ANKRD30BL: variants seen among roughly 807,000 people sequenced by gnomAD.
The protein encoded by ANKRD30BL is ankyrin repeat domain 30B like.
ANKRD30BL carries 20 observed loss-of-function variants against 18.4 expected under a neutral mutation model. The ratio of observed to expected loss-of-function variants is 1.09; its 90% CI spans 0.77 to 1.58. The LOEUF (loss-of-function observed/expected upper bound fraction) is 1.58. ANKRD30BL is among the 40% of genes most tolerant of loss of function. The pLI is 0.00. For synonymous variants in ANKRD30BL, 72 were observed against 100.9 expected (o/e 0.71, Z 1.72); for missense variants, 224 against 268.6 (o/e 0.83, Z 1.16).
intron 1 of ANKRD30BL, among the ~76,000 whole-genome samples, chr2:132,221,968 C>A (rs777246673): frequency 3.0e-5 from 4 of 131,906 alleles, no homozygotes; most frequent in Non-Finnish European, 6.4e-5. Flanking sequence ...AGGTGAGGGG[C>A]GCCTCTGCCT....
chr2:132,218,293 C>A (rs113621639), intron 1 of ANKRD30BL, among the ~76,000 whole-genome samples: 1 of 152,206 alleles, frequency 6.6e-6, no homozygotes, highest in Non-Finnish European at 1.5e-5. Flanking sequence ...AATATCTTCA[C>A]ATAAACACTA....
chr2:132,257,131 G>T (rs1440919506), intron 1 of ANKRD30BL: 4 of 464,706 alleles, frequency 8.6e-6, no homozygotes, highest in Non-Finnish European at 1.7e-5. Flanking sequence ...ACCCCGAGGT[G>T]ACCTCAGCCA....
Position 132,154,759 on chromosome 2 carries a change from T to C in ANKRD30BL, c.517A>G (p.Thr173Ala). Residue 173 changes from threonine to alanine, a missense_variant, in exon 4 of 6, where the codon ACA (threonine) becomes GCA (alanine). Thr to Ala is a moderately conservative substitution (Grantham distance 58). Around this residue, in one of 3 missense-constraint regions of ANKRD30BL, gnomAD observed 63 missense variants for 62.3 expected, o/e 1.01. Transcript: ENST00000409867. ...DIEVKNKAGH[T>A]PLLLAIRKRS... ...TTCCTTATGGCCAGTAAAAGTGGTG[T>C]GTGGCCAGCCTGTAAAACAGCAAAA... The C allele has an allele frequency of 1.4e-6, 1 of 711,766 alleles. No individual in the cohort carries two copies. 44.1% of individuals were successfully genotyped at this position (711,766 alleles called of 1,614,324 possible).
At chr2:132,252,033 A>G (rs906535518) in intron 1 of ANKRD30BL, among the ~76,000 whole-genome samples, 2 of 152,244 alleles carry the variant, frequency 1.3e-5, no homozygotes, top group African/African-American at 2.4e-5. Flanking sequence ...TGTTCCAGGA[A>G]TGCATCATTT....
chr2:132,247,749 TG>T (rs1680542698), intron 1 of ANKRD30BL, among the ~76,000 whole-genome samples: 1 of 151,976 alleles, frequency 6.6e-6, no homozygotes, highest in South Asian at 2.1e-4. Flanking sequence ...TATAGTTTTC[TG>T]TGAAGATATT....
chr2:132,232,256 G>C (rs1680042916), intron 1 of ANKRD30BL, among the ~76,000 whole-genome samples: 1 of 152,182 alleles, frequency 6.6e-6, no homozygotes, highest in Non-Finnish European at 1.5e-5. Flanking sequence ...AGAAAAACTG[G>C]AAACTCTAAA....
At chr2:132,189,977 T>C (rs1405202186) in intron 1 of ANKRD30BL, among the ~76,000 whole-genome samples, 2 of 151,954 alleles carry the variant, frequency 1.3e-5, no homozygotes, top group Admixed American at 6.6e-5. Flanking sequence ...CAAAGGTTGA[T>C]AACATAAAAT....
chr2:132,238,410 G>T (rs1042991955), intron 1 of ANKRD30BL, among the ~76,000 whole-genome samples: 1 of 151,776 alleles, frequency 6.6e-6, no homozygotes, highest in African/African-American at 2.4e-5. Flanking sequence ...TGGATATTTG[G>T]ACAGCTTTGA....
At chr2:132,254,061 C>T (rs577791995) in intron 1 of ANKRD30BL, among the ~76,000 whole-genome samples, 12 of 149,450 alleles carry the variant, frequency 8.0e-5, no homozygotes, top group South Asian at 6.5e-4. Context: ...GAACCACCCC[C>T]GCGCCCACCG....
intron 1 of ANKRD30BL, among the ~76,000 whole-genome samples, chr2:132,251,462 G>A (rs80070360): frequency 1.3e-5 from 2 of 152,314 alleles, no homozygotes; most frequent in South Asian, 4.1e-4. Flanking sequence ...CTGACACTCT[G>A]ACACGTTTTC....
intron 1 of ANKRD30BL, among the ~76,000 whole-genome samples, chr2:132,168,501 A>G (rs1018255633): frequency 2.0e-5 from 3 of 152,222 alleles, no homozygotes; most frequent in African/African-American, 7.2e-5. Flanking sequence ...TAAGCCAGAC[A>G]CAGAAAGACA....
intron 1 of ANKRD30BL, among the ~76,000 whole-genome samples, chr2:132,221,113 C>A (rs1163859826): frequency 1.4e-5 from 2 of 141,688 alleles, no homozygotes; most frequent in Non-Finnish European, 1.5e-5. Flanking sequence ...AAGTGAGGAG[C>A]CCCTCCGTCC....
intron 1 of ANKRD30BL, among the ~76,000 whole-genome samples, chr2:132,187,172 GT>G (rs1407000925): frequency 7.9e-4 from 63 of 80,246 alleles, no homozygotes; most frequent in Admixed American, 2.6e-3. Flanking sequence ...GAAGTTTTTT[GT>G]TTTTTTTTTT....
At chr2:132,165,359 G>C (rs1459755610), upstream of ANKRD30BL, among the ~76,000 whole-genome samples, 1 of 149,908 alleles carries the variant, frequency 6.7e-6, no homozygotes, top group Non-Finnish European at 1.5e-5. Flanking sequence ...TGTCAGTTTT[G>C]GTGTGGACAT....
In ANKRD30BL at chr2:132,194,386, A is replaced by G. The variant is rs192922431; in HGVS notation, n.442-37240T>C. 2.7e-3 allele frequency among the ~76,000 whole-genome samples: 417 copies of G among 152,370 alleles called. 5 individuals are homozygous for G. The highest frequency in any genetic ancestry group is 9.5e-3 in the African/African-American group (396 of 41,596). On this transcript the variant is annotated intron_variant and non_coding_transcript_variant, in intron 1 of 4. Coordinates refer to the ANKRD30BL transcript ENST00000470729. ...TATCCTGAATCAGACAGCATAAGTCAGCGACAGCCTGGCTTTAGCCTTCTG... is the reference window on the plus strand; with the variant it reads ...TATCCTGAATCAGACAGCATAAGTCGGCGACAGCCTGGCTTTAGCCTTCTG...
At chr2:132,243,666 C>G (rs1573886104) in intron 1 of ANKRD30BL, among the ~76,000 whole-genome samples, 1 of 151,656 alleles carries the variant, frequency 6.6e-6, no homozygotes, top group Non-Finnish European at 1.5e-5. Flanking sequence ...ACTGGAAACA[C>G]TCTTTTTGTA....
intron 1 of ANKRD30BL, among the ~76,000 whole-genome samples, chr2:132,221,201 C>T (rs1258259962): frequency 1.5e-5 from 2 of 137,386 alleles, no homozygotes; most frequent in Non-Finnish European, 3.0e-5. Flanking sequence ...GGGGGGGGGT[C>T]AGCCCCCCGC....
chr2:132,179,535 C>T (rs1335470768), intron 1 of ANKRD30BL, among the ~76,000 whole-genome samples: 4 of 152,148 alleles, frequency 2.6e-5, no homozygotes, highest in Admixed American at 6.5e-5. Flanking sequence ...GTGATCCTCC[C>T]GCCTCAGCCT....
chr2:132,176,874 C>T (rs1168882432), intron 1 of ANKRD30BL, among the ~76,000 whole-genome samples: 1 of 152,128 alleles, frequency 6.6e-6, no homozygotes, highest in Non-Finnish European at 1.5e-5. Context: ...TTCACTCTTC[C>T]TTTCCTAAGA....
Sources: gnomAD v4.1 joint callset for allele counts (sites outside exome capture counted in the v4.1 genomes callset) on GRCh38, gnomAD v4.1.1 for gene constraint, gnomAD v4.1.1 regional missense constraint, MANE v1.5 for transcripts, NCBI Gene and HGNC (gene_info 2026-07-23, HGNC 2026-07-21) for gene names.